Variants in MAST4 observed in about 807,000 individuals in gnomAD.
The protein encoded by MAST4 is microtubule-associated serine/threonine-protein kinase 4.
MAST4 carries 89 observed loss-of-function variants against 162.7 expected under a neutral mutation model. The ratio of observed to expected loss-of-function variants is 0.55; its 90% CI spans 0.46 to 0.65. MAST4 has a LOEUF of 0.65. MAST4 is among the 30% of genes least tolerant of loss of function. The pLI, the probability that MAST4 is intolerant of heterozygous loss-of-function variation, is 0.00. For missense variants in MAST4, 3,153 were observed against 3,374.0 expected, an observed-to-expected ratio of 0.93 and a Z score of 1.62; for synonymous variants, 1,479 against 1,361.1, an observed-to-expected ratio of 1.09 and a Z score of -1.91.
At chr5:67,142,683 C>T in intron 21 of MAST4, 150 bp downstream of exon 21, 2 of 608,810 alleles carry the variant, frequency 3.3e-6, no homozygotes. Flanking sequence ...AAAGTGACCT[C>T]CTCAACTTAT....
chr5:66,971,030 C>T (rs1434082292), intron 4 of MAST4, among the ~76,000 whole-genome samples: 3 of 152,174 alleles, frequency 2.0e-5, no homozygotes, highest in Non-Finnish European at 4.4e-5. Flanking sequence ...GGTTCAAGCT[C>T]AAGCATCTGG....
chr5:66,697,593 C>T (rs1000201623), intron 1 of MAST4, among the ~76,000 whole-genome samples: 1 of 152,172 alleles, frequency 6.6e-6, no homozygotes, highest in Non-Finnish European at 1.5e-5. Context: ...TAAGATACCA[C>T]AATAGATTGA....
chr5:66,807,797 T>C (rs2149708564), intron 3 of MAST4, among the ~76,000 whole-genome samples: 1 of 152,240 alleles, frequency 6.6e-6, no homozygotes, highest in Non-Finnish European at 1.5e-5. Flanking sequence ...AAAGAATGGG[T>C]CCCTCAGGCA....
intron 2 of MAST4, among the ~76,000 whole-genome samples, chr5:66,768,402 G>C (rs1278574598): frequency 1.3e-5 from 2 of 152,156 alleles, no homozygotes; most frequent in African/African-American, 4.8e-5. Context: ...GGAGAAAACA[G>C]ATGCCAAAGC....
chr5:67,055,999 G>GATATATATATAT (rs59787536), intron 5 of MAST4, among the ~76,000 whole-genome samples: 4 of 145,520 alleles, frequency 2.7e-5, no homozygotes, highest in South Asian at 2.2e-4. Flanking sequence ...TTTGTTTAGG[G>GATATATATATAT]ATATATATAT....
At chr5:67,090,605 A>G (rs1763757410) in intron 6 of MAST4, among the ~76,000 whole-genome samples, 1 of 150,822 alleles carries the variant, frequency 6.6e-6, no homozygotes, top group Non-Finnish European at 1.5e-5. Flanking sequence ...TCAAGGCAGC[A>G]ATTTAGTGAT....
rs1429777453 is a variant in MAST4, at chr5:67,166,130, C to T, written c.6951C>T (p.Asp2317=). 6.3e-7 allele frequency: 1 copy of T among 1,599,788 alleles called. No homozygotes were observed. The highest frequency in any genetic ancestry group is 1.1e-5 in the South Asian group (1 of 89,118). The change falls in exon 29 of 29, where the codon GAC becomes GAT. Residue 2317 remains aspartate, a synonymous_variant. Coordinates refer to ENST00000403625, the MANE Select transcript of MAST4 (RefSeq NM_001164664.2). ...ACCCAGGGCCTAGTGAGCCAGCGGA[C>T]CAGAAACTGTCCGCTGTTGGTGAAA... The part of the protein sequence containing the change: ...PGHPGPSEPA[D]QKLSAVGEKQ...
intron 19 of MAST4, among the ~76,000 whole-genome samples, chr5:67,141,041 A>G (rs935904576): frequency 6.6e-6 from 1 of 152,216 alleles, no homozygotes; most frequent in African/African-American, 2.4e-5. Flanking sequence ...AGAGGGGTCC[A>G]ATGAGGACAG....
intron 1 of MAST4, among the ~76,000 whole-genome samples, chr5:66,690,438 G>A (rs992023243): frequency 8.5e-5 from 13 of 152,214 alleles, no homozygotes; most frequent in South Asian, 6.2e-4. Flanking sequence ...GATTAGAAAG[G>A]GCTTGCTGTA....
intron 4 of MAST4, among the ~76,000 whole-genome samples, chr5:67,017,848 C>T (rs535731233): frequency 1.3e-5 from 2 of 152,150 alleles, no homozygotes; most frequent in South Asian, 2.1e-4. Context: ...CCGGCCACCT[C>T]GGCCTCCCAA....
Position 66,947,715 on chromosome 5 carries a change from T to C in MAST4, c.674+47733T>C, listed in dbSNP as rs186416131. Among the ~76,000 whole-genome samples, 14 of 152,268 alleles carry C rather than the reference T, an allele frequency of 9.2e-5. No individual in the cohort carries two copies. In the East Asian group the frequency reaches 2.5e-3, roughly 27 times the overall value. ...ACAGATTTTTCCTAAAGCTTGCACA[T>C]GTTGGCAAAACCTGGTTGGGTAGTG... On this transcript the variant is annotated intron_variant, in intron 4 of 28. Transcript: ENST00000403625.
At chr5:66,605,721 A>AT (rs1255552864) in intron 1 of MAST4, among the ~76,000 whole-genome samples, 2 of 152,162 alleles carry the variant, frequency 1.3e-5, no homozygotes, top group African/African-American at 4.8e-5. Context: ...GTCAGCTTTA[A>AT]TCCACGGTGA....
chr5:66,708,844 A>G (rs1314410978), intron 1 of MAST4, among the ~76,000 whole-genome samples: 2 of 152,216 alleles, frequency 1.3e-5, no homozygotes, highest in Admixed American at 6.5e-5. Context: ...CAGTGTTTCT[A>G]AAAATATAAA....
intron 12 of MAST4, among the ~76,000 whole-genome samples, chr5:67,117,989 C>A (rs1392054142): frequency 6.6e-6 from 1 of 152,118 alleles, no homozygotes; most frequent in Non-Finnish European, 1.5e-5. Context: ...ATTTAATGAG[C>A]ACTTAATTTT....
chr5:67,163,977 G>T lies in MAST4; in HGVS notation c.4798G>T (p.Gly1600Cys), dbSNP rs1347602674. 1.2e-6 allele frequency: 2 copies of T among 1,608,290 alleles called. No homozygotes were observed. The highest frequency in any genetic ancestry group is 1.7e-6 in the Non-Finnish European group (2 of 1,177,520). ...GTCTATGCAGGAGGCGCCACCGCTG[G>T]GCAGCCTGCTGAAGGATGCTCTTCA... ...KASMQEAPPL[G>C]SLLKDALHKQ... Residue 1600 changes from glycine to cysteine, a missense_variant, in exon 29 of 29, where the codon GGC becomes TGC. Physicochemically the swap from Gly to Cys is radical, Grantham distance 159. Coordinates refer to ENST00000403625, the MANE Select transcript of MAST4 (RefSeq NM_001164664.2). The surrounding 1 kb of genome is among the most constrained non-coding windows in gnomAD (Gnocchi z 7.0).
intron 3 of MAST4, among the ~76,000 whole-genome samples, chr5:66,841,082 T>C (rs940616192): frequency 6.6e-6 from 1 of 152,166 alleles, no homozygotes; most frequent in African/African-American, 2.4e-5. Context: ...ATCAATAAGA[T>C]ATATTACTTA....
At chr5:66,883,857 A>G (rs73099931) in intron 3 of MAST4, among the ~76,000 whole-genome samples, 1 of 152,216 alleles carries the variant, frequency 6.6e-6, no homozygotes, top group Admixed American at 6.5e-5. Context: ...CGATTTGATC[A>G]CTGTAGTACA....
At chr5:66,650,265 T>C (rs1271004109) in intron 1 of MAST4, among the ~76,000 whole-genome samples, 1 of 152,122 alleles carries the variant, frequency 6.6e-6, no homozygotes, top group African/African-American at 2.4e-5. Flanking sequence ...GCTTCATATA[T>C]GATCCTTCTC....
intron 3 of MAST4, among the ~76,000 whole-genome samples, chr5:66,790,902 T>C (rs1755368283): frequency 6.6e-6 from 1 of 152,256 alleles, no homozygotes; most frequent in Admixed American, 6.5e-5. Context: ...AAGTGTTTTT[T>C]AGCTGCTGCA....
Sources: gnomAD v4.1 joint callset for allele counts (sites outside exome capture counted in the v4.1 genomes callset) on GRCh38, gnomAD v4.1.1 for gene constraint, Gnocchi (gnomAD v3.1) non-coding constraint, MANE v1.5 for transcripts, NCBI Gene and HGNC (gene_info 2026-07-23, HGNC 2026-07-21) for gene names.